KCNQ1OT1: variants seen among roughly 807,000 people sequenced by gnomAD.
KCNQ1OT1 encodes KCNQ1 antisense RNA 2 (non-protein coding).
chr11:2,644,796 G>A (rs1849641407), exon 1 of KCNQ1OT1: 4 of 398,490 alleles, frequency 1.0e-5, no homozygotes, highest in Non-Finnish European at 1.3e-5. Flanking sequence ...GATCTCCATG[G>A]AATTTTTTTC....
At position 2,657,467 on chromosome 11, in the gene KCNQ1OT1, TTC is replaced by T; in HGVS notation, n.42526_42527del. On this transcript the variant is annotated non_coding_transcript_exon_variant, in exon 1 of 1. Coordinates refer to ENST00000597346, the Ensembl canonical transcript of KCNQ1OT1. This position sits in a 1 kb window ranked among gnomAD's most constrained non-coding sequence, Gnocchi z 4.8. ...ATTCTTTTGTGCTATTGTATACAGG[TTC>T]TGTTTTCTCTTGTTACCTCACATTT... is the stretch of plus-strand genomic sequence containing the variant. The T allele has an allele frequency of 5.0e-6, 2 of 398,564 alleles. No homozygotes were observed. 24.7% of individuals were successfully genotyped at this position (398,564 alleles called of 1,614,324 possible).
chr11:2,661,194 T>G lies in KCNQ1OT1; in HGVS notation n.38801A>C, dbSNP rs891271578. On this transcript the variant is annotated non_coding_transcript_exon_variant, in exon 1 of 1. Transcript: ENST00000597346. This position sits in a 1 kb window ranked among gnomAD's most constrained non-coding sequence, Gnocchi z 5.9. Reference sequence around the variant, plus strand: ...TGACCTTGGGGGAGGAAAGCCATTGTGAATCTTTGAATTATTCCACTTCTC... The same window carrying G: ...TGACCTTGGGGGAGGAAAGCCATTGGGAATCTTTGAATTATTCCACTTCTC... 5.0e-6 allele frequency: 2 copies of G among 398,640 alleles called. No homozygotes were observed. The highest frequency in any genetic ancestry group is 4.4e-5 in the Admixed American group (1 of 22,726). 24.7% of individuals were successfully genotyped at this position (398,640 alleles called of 1,614,324 possible). A position where few individuals can be genotyped will look rare whatever the true frequency, so the allele number is the denominator to read the frequency against.
chr11:2,672,988 A>G, exon 1 of KCNQ1OT1: 1 of 398,720 alleles, frequency 2.5e-6, no homozygotes, highest in East Asian at 3.6e-5. Flanking sequence ...GCCTTGCCTA[A>G]AGGAGAAGCC....
chr11:2,645,443 G>A lies in KCNQ1OT1; in HGVS notation n.54552C>T, dbSNP rs1849651683. On this transcript the variant is annotated non_coding_transcript_exon_variant, in exon 1 of 1. Transcript: ENST00000597346. The surrounding 1 kb of genome is among the most constrained non-coding windows in gnomAD (Gnocchi z 5.8). ...AGTAATGCAAGAATGTACTGACTGT[G>A]GTAGGCAGGCACAGGAAGATCCCTG... is the stretch of plus-strand genomic sequence containing the variant. 1 of 398,530 alleles carries A rather than the reference G, an allele frequency of 2.5e-6. No homozygotes were observed. The highest frequency in any genetic ancestry group is 4.4e-6 in the Non-Finnish European group (1 of 226,128). 24.7% of individuals were successfully genotyped at this position (398,530 alleles called of 1,614,324 possible). A position where few individuals can be genotyped will look rare whatever the true frequency, so the allele number is the denominator to read the frequency against.
At chr11:2,637,727 C>T (rs1376444516) in exon 1 of KCNQ1OT1, 2 of 152,182 alleles carry the variant, frequency 1.3e-5, no homozygotes, top group Non-Finnish European at 2.9e-5. Context: ...GAGTTCAATT[C>T]CTGGATATCC....
chr11:2,637,628 T>G (rs1849495887), exon 1 of KCNQ1OT1: 1 of 152,250 alleles, frequency 6.6e-6, no homozygotes, highest in African/African-American at 2.4e-5. Context: ...TTGGAATAAG[T>G]GCGATGTGAT....
chr11:2,624,742 C>G lies in KCNQ1OT1; in HGVS notation n.75253G>C, dbSNP rs754490385. 161 of 397,960 alleles carry G rather than the reference C, an allele frequency of 4.0e-4. 1 individual carries two copies. The highest frequency in any genetic ancestry group is 2.5e-3 in the Middle Eastern group (4 of 1,586). 24.7% of individuals were successfully genotyped at this position (397,960 alleles called of 1,614,324 possible). On this transcript the variant is annotated non_coding_transcript_exon_variant, in exon 1 of 1. Coordinates refer to ENST00000597346, the Ensembl canonical transcript of KCNQ1OT1. This position sits in a 1 kb window ranked among gnomAD's most constrained non-coding sequence, Gnocchi z 4.9. ...TATCCATTAAACAATAATTCCCCAA[C>G]CCCCCCACCACCGCCATCTCTTGGA...
chr11:2,696,676 G>T, exon 1 of KCNQ1OT1: 1 of 398,588 alleles, frequency 2.5e-6, no homozygotes, highest in Non-Finnish European at 4.4e-6. Context: ...ATGCCAAGTT[G>T]CCCTGTTCAA....
Position 2,683,142 on chromosome 11 carries a change from G to C in KCNQ1OT1, n.16853C>G, listed in dbSNP as rs958282615. ...ACCAACTCAGGAGGGTGTGGGGATG[G>C]GCTAGCATTAGGAATGGGTATTAGC... On this transcript the variant is annotated non_coding_transcript_exon_variant, in exon 1 of 1. Coordinates refer to ENST00000597346, the Ensembl canonical transcript of KCNQ1OT1. The surrounding 1 kb of genome is among the most constrained non-coding windows in gnomAD (Gnocchi z 4.7). 1 of 398,628 alleles carries C rather than the reference G, an allele frequency of 2.5e-6. No individual in the cohort carries two copies. The highest frequency in any genetic ancestry group is 4.4e-6 in the Non-Finnish European group (1 of 226,090). 24.7% of individuals were successfully genotyped at this position (398,628 alleles called of 1,614,324 possible). A position where few individuals can be genotyped will look rare whatever the true frequency, so the allele number is the denominator to read the frequency against.
At chr11:2,694,026 C>T (rs1370313533) in exon 1 of KCNQ1OT1, 3 of 398,622 alleles carry the variant, frequency 7.5e-6, no homozygotes, top group Non-Finnish European at 1.3e-5. Flanking sequence ...GGTCAAGCCA[C>T]AGGTGCCCAT....
chr11:2,638,535 G>T (rs1020896744), exon 1 of KCNQ1OT1: 1 of 152,114 alleles, frequency 6.6e-6, no homozygotes, highest in Non-Finnish European at 1.5e-5. Context: ...AGTTTCTGCT[G>T]AGAGATCCGC....
chr11:2,660,368 G>A lies in KCNQ1OT1; in HGVS notation n.39627C>T, dbSNP rs150597452. ...TAAATTTAAGAGAGAATTGTATTACGCTGATGTGGGAAAACCTTCCTTTTT... is the reference window on the plus strand; with the variant it reads ...TAAATTTAAGAGAGAATTGTATTACACTGATGTGGGAAAACCTTCCTTTTT... On this transcript the variant is annotated non_coding_transcript_exon_variant, in exon 1 of 1. Coordinates refer to ENST00000597346, the Ensembl canonical transcript of KCNQ1OT1. The A allele has an allele frequency of 3.2e-3, 1,285 of 398,426 alleles. 12 individuals carry two copies. The highest frequency in any genetic ancestry group is 0.022 in the African/African-American group (1,092 of 48,702). 24.7% of individuals were successfully genotyped at this position (398,426 alleles called of 1,614,324 possible).
chr11:2,637,309 G>A (rs1328512629), exon 1 of KCNQ1OT1: 2 of 152,068 alleles, frequency 1.3e-5, no homozygotes, highest in African/African-American at 2.4e-5. Context: ...GCTTTCTCTT[G>A]TGGGCATTTA....
At chr11:2,632,281 G>A (rs1849371613) in exon 1 of KCNQ1OT1, 1 of 397,884 alleles carries the variant, frequency 2.5e-6, no homozygotes, top group Non-Finnish European at 4.4e-6. Flanking sequence ...TTTGTGGTGA[G>A]TTTTCAGGGA....
In KCNQ1OT1 at chr11:2,611,218, T is replaced by C. The variant is rs187011474; in HGVS notation, n.88777A>G. ...TTAAAGTCTATTTTGTCTGATTTTA[T>C]TTATTTTTATTTTATTTTTGGGATG... On this transcript the variant is annotated non_coding_transcript_exon_variant, in exon 1 of 1. Transcript: ENST00000597346. This position sits in a 1 kb window ranked among gnomAD's most constrained non-coding sequence, Gnocchi z 5.3. 10 of 398,462 alleles carry C rather than the reference T, an allele frequency of 2.5e-5. No individual in the cohort carries two copies. The highest frequency in any genetic ancestry group is 2.1e-4 in the African/African-American group (10 of 48,720). The allele number at this position is 398,462 out of a possible 1,614,324, so 24.7% of individuals were successfully genotyped here.
At position 2,623,159 on chromosome 11, in the gene KCNQ1OT1, A is replaced by G; in HGVS notation, n.76836T>C. ...TTTCCCTCTCCTGTTCTGCCATGGTAAAGATGTGCCTGCTTCTCCTTTGCC... is the reference window on the plus strand; with the variant it reads ...TTTCCCTCTCCTGTTCTGCCATGGTGAAGATGTGCCTGCTTCTCCTTTGCC... On this transcript the variant is annotated non_coding_transcript_exon_variant, in exon 1 of 1. Transcript: ENST00000597346. This position sits in a 1 kb window ranked among gnomAD's most constrained non-coding sequence, Gnocchi z 5.2. 2.5e-6 allele frequency: 1 copy of G among 398,702 alleles called. No homozygotes were observed. Among genetic ancestry groups the G allele is most frequent in the East Asian group, 3.6e-5 (1 of 28,080 alleles). The allele number at this position is 398,702 out of a possible 1,614,324, so 24.7% of individuals were successfully genotyped here. A position where few individuals can be genotyped will look rare whatever the true frequency, so the allele number is the denominator to read the frequency against.
In KCNQ1OT1 at chr11:2,663,036, G is replaced by A; in HGVS notation, n.36959C>T. The A allele has an allele frequency of 2.5e-6, 1 of 398,800 alleles. No homozygotes were observed. Among genetic ancestry groups the A allele is most frequent in the Non-Finnish European group, 4.4e-6 (1 of 226,168 alleles). The allele number at this position is 398,800 out of a possible 1,614,324, so 24.7% of individuals were successfully genotyped here. A position where few individuals can be genotyped will look rare whatever the true frequency, so the allele number is the denominator to read the frequency against. On this transcript the variant is annotated non_coding_transcript_exon_variant, in exon 1 of 1. Coordinates refer to ENST00000597346, the Ensembl canonical transcript of KCNQ1OT1. This position sits in a 1 kb window ranked among gnomAD's most constrained non-coding sequence, Gnocchi z 5.2. ...GAAATCGGGACCCATGGTGCTGGGG[G>A]CTGCAGGTGTAACCAGAGAACTGGC...
chr11:2,629,682 G>C (rs1200043623), exon 1 of KCNQ1OT1: 2 of 398,284 alleles, frequency 5.0e-6, no homozygotes, highest in Admixed American at 4.4e-5. Flanking sequence ...TCTTTTTGAT[G>C]CTATTTTAAA....
chr11:2,684,754 G>T (rs1031101464), exon 1 of KCNQ1OT1: 4 of 398,644 alleles, frequency 1.0e-5, no homozygotes, highest in Non-Finnish European at 1.8e-5. Flanking sequence ...GAGAAAAGGG[G>T]TAAGGGAGGA....
Sources: allele counts gnomAD v4.1 joint callset, GRCh38; gene constraint gnomAD v4.1.1; non-coding constraint Gnocchi (gnomAD v3.1); transcripts MANE v1.5; gene names NCBI Gene and HGNC (gene_info 2026-07-23, HGNC 2026-07-21).